SYN2: variants seen among roughly 807,000 people sequenced by gnomAD.
The protein encoded by SYN2 is synapsin-2.
Under a neutral mutation model 50.9 loss-of-function variants are expected in SYN2, and 19 were observed. The ratio of observed to expected loss-of-function variants is 0.37; its 90% CI spans 0.26 to 0.55. The LOEUF is 0.55. Ranked by LOEUF, SYN2 falls within the 20% of genes least tolerant of loss-of-function variation. The probability of loss-of-function intolerance (pLI) is 0.81; values close to 1 mark genes in which losing one functional copy is unlikely to be tolerated. For synonymous variants in SYN2, 255 were observed against 224.9 expected, an observed-to-expected ratio of 1.13 and a Z score of -1.20; for missense variants, 587 against 576.4, an observed-to-expected ratio of 1.02 and a Z score of -0.19.
chr3:12,024,322 A>T (rs1189141655), intron 1 of SYN2, among the ~76,000 whole-genome samples: 2 of 151,706 alleles, frequency 1.3e-5, no homozygotes. Flanking sequence ...ACGCCCAGCT[A>T]ATTTTTTTTG....
intron 7 of SYN2, among the ~76,000 whole-genome samples, chr3:12,166,435 C>A (rs73813142): frequency 0.034 from 5,167 of 152,308 alleles, 273 homozygotes; most frequent in African/African-American, 0.11. Flanking sequence ...AAATGACTCT[C>A]TGAAGGTCAC....
chr3:12,133,031 A>T (rs1696826459), intron 1 of SYN2, among the ~76,000 whole-genome samples: 1 of 152,074 alleles, frequency 6.6e-6, no homozygotes, highest in African/African-American at 2.4e-5. Flanking sequence ...CTTTCAGTTT[A>T]CCCCTAATCA....
intron 5 of SYN2, chr3:12,157,616 G>A (rs1043479902): frequency 1.1e-5 from 8 of 756,554 alleles, no homozygotes; most frequent in African/African-American, 1.7e-5. Context: ...TGTGAGCAAC[G>A]TGATGTGTGA....
intron 1 of SYN2, chr3:12,070,526 C>A (rs1264048273): frequency 9.3e-6 from 8 of 859,196 alleles, no homozygotes; most frequent in East Asian, 4.1e-5. Context: ...TGCGTGTGGC[C>A]CCGGAGGAGC....
rs148603823 is a variant in SYN2 at position 12,132,157 on chromosome 3, C to T, written c.378-8494C>T. Among the ~76,000 whole-genome samples the T allele has an allele frequency of 5.3e-5, 8 of 151,842 alleles. No individual in the cohort carries two copies. The East Asian group carries it at 1.5e-3, about 29-fold the overall frequency. On this transcript the variant is annotated intron_variant, in intron 1 of 12. Coordinates refer to ENST00000621198, the MANE Select transcript of SYN2 (RefSeq NM_133625.6). ...AGGTAGTTTGGACTGCAGGCACATGCCATAGCACTCAGCTGTCCTCTGATA... is the reference window on the plus strand; with the variant it reads ...AGGTAGTTTGGACTGCAGGCACATGTCATAGCACTCAGCTGTCCTCTGATA...
At chr3:12,053,934 T>C (rs960306790) in intron 1 of SYN2, among the ~76,000 whole-genome samples, 1 of 152,218 alleles carries the variant, frequency 6.6e-6, no homozygotes, top group African/African-American at 2.4e-5. Context: ...ACTTGGTCCA[T>C]GTTCCTTAGA....
At chr3:12,128,960 A>G (rs995620696) in intron 1 of SYN2, among the ~76,000 whole-genome samples, 1 of 152,228 alleles carries the variant, frequency 6.6e-6, no homozygotes, top group Admixed American at 6.5e-5. Context: ...GGCTACCACC[A>G]CAAGGTCGCT....
At position 12,175,991 on chromosome 3, in the gene SYN2, T is replaced by C. The variant is rs543463089; in HGVS notation, c.1308+6085T>C. 3.3e-5 allele frequency among the ~76,000 whole-genome samples: 5 copies of C among 152,328 alleles called. No homozygotes were observed. The South Asian group carries it at 1.0e-3, about 32-fold the overall frequency. Reference sequence around the variant, plus strand: ...GTCAGCAGCAGCAACTGACCCTCTGTACATGGACTCTGAAATGCTTTAGGG... The same window carrying C: ...GTCAGCAGCAGCAACTGACCCTCTGCACATGGACTCTGAAATGCTTTAGGG... On this transcript the variant is annotated intron_variant, in intron 10 of 12. Transcript: ENST00000621198.
chr3:12,050,340 ATTTTTTTTTTTTTT>A (rs397877649), intron 1 of SYN2, among the ~76,000 whole-genome samples: 13,615 of 113,482 alleles, frequency 0.12, 2,097 homozygotes, highest in African/African-American at 0.36. Flanking sequence ...GTTTGGAATG[ATTTTTTTTTTTTTT>A]TTTTTTTTGG....
intron 1 of SYN2, among the ~76,000 whole-genome samples, chr3:12,092,591 T>C (rs1436071530): frequency 2.0e-5 from 3 of 152,220 alleles, no homozygotes; most frequent in African/African-American, 4.8e-5. Flanking sequence ...AAAACACTTA[T>C]TAGCTATACC....
intron 1 of SYN2, among the ~76,000 whole-genome samples, chr3:12,043,713 C>T (rs753853238): frequency 8.5e-5 from 13 of 152,154 alleles, no homozygotes; most frequent in Non-Finnish European, 1.5e-4. Context: ...TAAAGAAATG[C>T]ACCGTGGATT....
At chr3:12,141,616 G>T (rs1697022202) in intron 2 of SYN2, among the ~76,000 whole-genome samples, 1 of 152,166 alleles carries the variant, frequency 6.6e-6, no homozygotes, top group African/African-American at 2.4e-5. Context: ...TGCTGGGCTG[G>T]GAGTTAGAGG....
chr3:12,082,991 C>A (rs181678255), intron 1 of SYN2, among the ~76,000 whole-genome samples: 1 of 152,178 alleles, frequency 6.6e-6, no homozygotes, highest in African/African-American at 2.4e-5. Context: ...AACCTACTTT[C>A]CCGTAATATT....
chr3:12,108,059 C>A (rs1396576285), intron 1 of SYN2, among the ~76,000 whole-genome samples: 2 of 151,992 alleles, frequency 1.3e-5, no homozygotes, highest in Admixed American at 1.3e-4. Context: ...AAAAATAAAA[C>A]ATTAGCTGGG....
chr3:12,143,017 A>G (rs1411715796), intron 3 of SYN2, among the ~76,000 whole-genome samples: 2 of 152,166 alleles, frequency 1.3e-5, no homozygotes, highest in African/African-American at 4.8e-5. Context: ...GAGAAAATGG[A>G]TGGGCTCCTC....
intron 1 of SYN2, among the ~76,000 whole-genome samples, chr3:12,090,621 A>G (rs773997393): frequency 1.3e-5 from 2 of 152,226 alleles, no homozygotes; most frequent in Non-Finnish European, 2.9e-5. Context: ...TAGAAGTAAG[A>G]GAATGGAGCT....
At chr3:12,081,823 T>TA (rs1223542816) in intron 1 of SYN2, among the ~76,000 whole-genome samples, 2 of 152,340 alleles carry the variant, frequency 1.3e-5, no homozygotes, top group African/African-American at 4.8e-5. Context: ...ATGCCACTCT[T>TA]ACTTCAAGGC....
intron 1 of SYN2, among the ~76,000 whole-genome samples, chr3:12,022,149 A>C (rs1052641764): frequency 1.3e-5 from 2 of 151,834 alleles, no homozygotes; most frequent in African/African-American, 4.8e-5. Flanking sequence ...TGTGGGGTCT[A>C]TACTAGGCTG....
chr3:12,171,116 A>G (rs565844070), intron 10 of SYN2, among the ~76,000 whole-genome samples: 1 of 152,184 alleles, frequency 6.6e-6, no homozygotes, highest in Non-Finnish European at 1.5e-5. Context: ...ATAGCCCTGT[A>G]TGGTGGGATG....
Sources: allele counts gnomAD v4.1 joint callset (sites outside exome capture counted in the v4.1 genomes callset), GRCh38; gene constraint gnomAD v4.1.1; transcripts MANE v1.5; gene names NCBI Gene and HGNC (gene_info 2026-07-23, HGNC 2026-07-21).